Variants in TNRC6C observed in about 807,000 individuals in gnomAD.
The protein encoded by TNRC6C is trinucleotide repeat-containing gene 6C protein.
Under a neutral mutation model 153.7 loss-of-function variants are expected in TNRC6C, and 20 were observed. That is an observed-to-expected ratio of 0.13 (90% CI 0.09 to 0.19). The LOEUF (loss-of-function observed/expected upper bound fraction) is 0.19. TNRC6C is among the 10% of genes least tolerant of loss of function. TNRC6C has a pLI of 1.00. For synonymous variants in TNRC6C, 811 were observed against 841.4 expected, an observed-to-expected ratio of 0.96 and a Z score of 0.63; for missense variants, 1,987 against 2,172.0, an observed-to-expected ratio of 0.91 and a Z score of 1.69.
At chr17:78,091,196 A>G (rs1019541974) in intron 13 of TNRC6C, among the ~76,000 whole-genome samples, 1 of 152,062 alleles carries the variant, frequency 6.6e-6, no homozygotes, top group Admixed American at 6.6e-5. Flanking sequence ...TAGTTAAAAT[A>G]TTTTGCTGTA....
At chr17:78,003,934 G>A (rs1311821854), upstream of TNRC6C, among the ~76,000 whole-genome samples, 2 of 152,228 alleles carry the variant, frequency 1.3e-5, no homozygotes, top group African/African-American at 4.8e-5. Context: ...AGCAATGCCT[G>A]ATGATGGGTT....
At chr17:78,069,857 TATGC>T (rs1363636787) in intron 5 of TNRC6C, among the ~76,000 whole-genome samples, 1 of 152,196 alleles carries the variant, frequency 6.6e-6, no homozygotes, top group Non-Finnish European at 1.5e-5. Context: ...TGAGTGTGTG[TATGC>T]ATGCATGCAC....
chr17:78,028,161 C>T (rs1473162380), intron 1 of TNRC6C, among the ~76,000 whole-genome samples: 1 of 152,186 alleles, frequency 6.6e-6, no homozygotes, highest in Non-Finnish European at 1.5e-5. Context: ...TCCCAAAGTG[C>T]TGGGATTACA....
At chr17:77,980,576 C>A (rs1399995324) in intron 1 of TNRC6C, among the ~76,000 whole-genome samples, 2 of 152,142 alleles carry the variant, frequency 1.3e-5, no homozygotes, top group East Asian at 3.9e-4. Context: ...CAGGTGGGTA[C>A]CCTCCAATTC....
At chr17:78,105,404 C>T (rs2073675984) in exon 20 of TNRC6C, 3 of 152,306 alleles carry the variant, frequency 2.0e-5, no homozygotes, top group South Asian at 4.1e-4. Context: ...TGCACATTAC[C>T]CTTGTTTCAT....
In TNRC6C at chr17:78,073,112, C is replaced by G. The variant is rs1273138017; in HGVS notation, c.2917+18C>G. On this transcript the variant is annotated intron_variant, in intron 7 of 19. Coordinates refer to ENST00000301624, the Ensembl canonical transcript of TNRC6C. ...GGCCATGAGTAAGTCATACAACATC[C>G]TTTTTAAAAAGGTACCCAGCTGTGA... The G allele has an allele frequency of 6.5e-7, 1 of 1,547,010 alleles. No individual in the cohort carries two copies. The highest frequency in any genetic ancestry group is 8.7e-7 in the Non-Finnish European group (1 of 1,143,990).
intron 1 of TNRC6C, among the ~76,000 whole-genome samples, chr17:78,012,567 T>C (rs1462274464): frequency 6.6e-6 from 1 of 152,244 alleles, no homozygotes; most frequent in Non-Finnish European, 1.5e-5. Flanking sequence ...GATAAGCAAA[T>C]ATATGTATAT....
intron 1 of TNRC6C, among the ~76,000 whole-genome samples, chr17:78,010,399 C>T (rs1032099785): frequency 2.6e-5 from 4 of 152,090 alleles, no homozygotes; most frequent in African/African-American, 9.7e-5. Context: ...TGTGCTTAGG[C>T]TCATTCTAAA....
At chr17:78,097,006 A>G (rs1400680892) in intron 16 of TNRC6C, among the ~76,000 whole-genome samples, 2 of 152,240 alleles carry the variant, frequency 1.3e-5, no homozygotes, top group Non-Finnish European at 2.9e-5. Flanking sequence ...ACTCAAGTCC[A>G]TATACACAGT....
At chr17:78,025,466 C>T (rs2071923520) in intron 1 of TNRC6C, among the ~76,000 whole-genome samples, 1 of 152,170 alleles carries the variant, frequency 6.6e-6, no homozygotes, top group African/African-American at 2.4e-5. Context: ...TGTCTGAATG[C>T]ACCAGTTTAT....
chr17:78,091,495 G>T, exon 14 of TNRC6C: 2 of 1,608,760 alleles, frequency 1.2e-6, no homozygotes, highest in South Asian at 2.2e-5. Context: ...GTGGCTTGTC[G>T]GTGAAGGACC....
At chr17:78,102,586 A>G (rs778710126) in intron 18 of TNRC6C, 42 bp downstream of exon 21, 6 of 1,563,572 alleles carry the variant, frequency 3.8e-6, no homozygotes, top group Non-Finnish European at 5.2e-6. Context: ...TGATCCAGGG[A>G]GGGTTCCCGC....
Position 78,064,716 on chromosome 17 carries a change from T to C in TNRC6C, c.2396-6T>C. ...TATTTTCTCTACCCCTTGGAACCTT[T>C]TTCAGTTTCATCAGGCTGGGGAGAA... On this transcript the variant is annotated splice_polypyrimidine_tract_variant and splice_region_variant and intron_variant, in intron 3 of 19. Coordinates refer to ENST00000301624, the Ensembl canonical transcript of TNRC6C. 1 of 1,613,376 alleles carries C rather than the reference T, an allele frequency of 6.2e-7. No homozygotes were observed. The highest frequency in any genetic ancestry group is 8.5e-7 in the Non-Finnish European group (1 of 1,179,734).
chr17:78,040,952 C>T (rs980133393), intron 2 of TNRC6C: 1 of 152,100 alleles, frequency 6.6e-6, no homozygotes. Context: ...GCAGACTGGC[C>T]CCGGGAGCTT....
chr17:78,097,691 T>G (rs959449068), intron 16 of TNRC6C, 54 bp from the exon 19 acceptor site: 57 of 1,313,678 alleles, frequency 4.3e-5, no homozygotes, highest in Non-Finnish European at 5.3e-5. Context: ...ACAGTTAGAG[T>G]CATGAACCCG....
At chr17:78,050,602 C>G (rs1464980745) in exon 3 of TNRC6C, 1 of 1,583,914 alleles carries the variant, frequency 6.3e-7, no homozygotes, top group African/African-American at 1.3e-5. Flanking sequence ...CAACGCGCCA[C>G]CTGCCGCTGT....
At chr17:78,094,900 C>T (rs1016232515) in intron 16 of TNRC6C, among the ~76,000 whole-genome samples, 51 of 152,278 alleles carry the variant, frequency 3.3e-4, no homozygotes, top group African/African-American at 1.1e-3. Context: ...AGGGATGTTA[C>T]GGGTGTCCCT....
chr17:78,085,629 A>G (rs1200840276), intron 11 of TNRC6C, among the ~76,000 whole-genome samples: 1 of 152,148 alleles, frequency 6.6e-6, no homozygotes, highest in Non-Finnish European at 1.5e-5. Flanking sequence ...ACTTTAACCA[A>G]CTTTGTAGAT....
intron 1 of TNRC6C, among the ~76,000 whole-genome samples, chr17:77,979,462 T>C (rs2071043774): frequency 6.6e-6 from 1 of 152,154 alleles, no homozygotes; most frequent in Non-Finnish European, 1.5e-5. Context: ...GAGGGTTTAA[T>C]AGTATTCTTA....
Sources: allele counts gnomAD v4.1 joint callset (sites outside exome capture counted in the v4.1 genomes callset), GRCh38; gene constraint gnomAD v4.1.1; transcripts MANE v1.5; gene names NCBI Gene and HGNC (gene_info 2026-07-23, HGNC 2026-07-21).